DYNLRB2: variants seen among roughly 807,000 people sequenced by gnomAD.
DYNLRB2 encodes dynein light chain roadblock-type 2, also known as bithoraxoid-like protein.
DYNLRB2 carries 14 observed loss-of-function variants against 12.6 expected under a neutral mutation model. The observed-to-expected ratio is 1.11, with a 90% CI of 0.73 to 1.73. DYNLRB2 has a LOEUF of 1.73. Among genes scored for constraint, DYNLRB2 ranks in the 40% most tolerant of loss-of-function variants. DYNLRB2 has a pLI of 0.00. For missense variants in DYNLRB2, 142 were observed against 117.7 expected (o/e 1.21, Z -0.95); for synonymous variants, 53 against 37.0 (o/e 1.43, Z -1.57).
At chr16:80,544,618 T>A (rs1242695297) in intron 2 of DYNLRB2, 3 of 152,232 alleles carry the variant, frequency 2.0e-5, no homozygotes, top group Admixed American at 6.5e-5. Context: ...TTCATAGAGA[T>A]GGTGTGTTAG....
intron 2 of DYNLRB2, 52 bp from the exon 3 acceptor site, chr16:80,549,432 T>G (rs537173338): frequency 6.6e-7 from 1 of 1,503,804 alleles, no homozygotes; most frequent in East Asian, 2.4e-5. Context: ...ACACTGTACT[T>G]ATTACTTTTC....
chr16:80,543,198 C>T (rs1175050548), intron 1 of DYNLRB2, 78 bp from the exon 2 acceptor site: 4 of 1,411,198 alleles, frequency 2.8e-6, no homozygotes, highest in Non-Finnish European at 4.0e-6. Flanking sequence ...GAGTAGGTAT[C>T]TTGCTAAACA....
In DYNLRB2 at chr16:80,550,408, T is replaced by C. The variant is rs1459375284; in HGVS notation, c.248-107T>C. The C allele has an allele frequency of 3.9e-5, 51 of 1,322,516 alleles. No individual in the cohort carries two copies. In the Admixed American group the frequency reaches 8.6e-4, roughly 22 times the overall value. The allele number at this position is 1,322,516 out of a possible 1,614,324, so 81.9% of individuals were successfully genotyped here. On this transcript the variant is annotated intron_variant, in intron 3 of 3. Transcript: ENST00000305904. ...TGCAGATAGGGTGGGAAACCATCTG[T>C]CTGCACAAGGTCCCTGTGATGTTTT...
At position 80,541,041 on chromosome 16, in the gene DYNLRB2, C is replaced by T. The variant is rs1240634886; in HGVS notation, c.-36C>T. 2 of 1,604,148 alleles carry T rather than the reference C, an allele frequency of 1.2e-6. No homozygotes were observed. The highest frequency in any genetic ancestry group is 1.1e-5 in the South Asian group (1 of 89,796). On this transcript the variant is annotated 5_prime_UTR_variant, in exon 1 of 4. Transcript: ENST00000305904. ...GTTGTTGACATCCCGGGAGGCTGTG[C>T]CGCCGGCCTGAGCCCAGAGTTTCGC...
chr16:80,544,480 T>A (rs74800893), intron 2 of DYNLRB2, among the ~76,000 whole-genome samples: 2,914 of 152,288 alleles, frequency 0.019, 86 homozygotes, highest in African/African-American at 0.066. Context: ...TCCAGGTAAG[T>A]CACAAACTAT....
At position 80,545,276 on chromosome 16, in the gene DYNLRB2, C is replaced by T. The variant is rs540396740; in HGVS notation, c.79+1925C>T. On this transcript the variant is annotated intron_variant, in intron 2 of 3. Transcript: ENST00000305904. ...GGTATGAGGATACTCACTGAGGCAT[C>T]ATATATAATAGCAATAAATAAATAA... 3.9e-5 allele frequency among the ~76,000 whole-genome samples: 6 copies of T among 152,156 alleles called. No individual in the cohort carries two copies. In the South Asian group the frequency reaches 1.2e-3, roughly 32 times the overall value.
At chr16:80,549,705 A>G in intron 3 of DYNLRB2, 54 bp downstream of exon 3, 1 of 1,524,250 alleles carries the variant, frequency 6.6e-7, no homozygotes, top group South Asian at 1.3e-5. Flanking sequence ...TGCTAGATTA[A>G]AAGCCTTGTT....
chr16:80,541,159 C>G, intron 1 of DYNLRB2, 80 bp downstream of exon 1: 2 of 1,532,500 alleles, frequency 1.3e-6, no homozygotes, highest in African/African-American at 2.7e-5. Flanking sequence ...GCTTCTGGGG[C>G]CCACCCAGGC....
chr16:80,548,959 C>A (rs1383897732), intron 2 of DYNLRB2: 1 of 455,932 alleles, frequency 2.2e-6, no homozygotes, highest in Non-Finnish European at 4.4e-6. Flanking sequence ...AGACTAACAC[C>A]ATGTCACAGA....
chr16:80,540,808 CCT>C (rs1909273926), upstream of DYNLRB2: 1 of 707,960 alleles, frequency 1.4e-6, no homozygotes, highest in Non-Finnish European at 2.6e-6. Context: ...GACCCACTTC[CCT>C]CTTCCCTCCC....
intron 3 of DYNLRB2, 68 bp downstream of exon 3, chr16:80,549,719 A>G (rs1021185617): frequency 6.9e-7 from 1 of 1,458,430 alleles, no homozygotes. Context: ...CCTTGTTTCT[A>G]TGAATGGTAA....
intron 2 of DYNLRB2, chr16:80,549,221 A>C (rs1904680116): frequency 2.5e-6 from 1 of 396,554 alleles, no homozygotes; most frequent in Non-Finnish European, 4.7e-6. Flanking sequence ...TGACATTGTC[A>C]ACAAGGACAA....
intron 2 of DYNLRB2, among the ~76,000 whole-genome samples, chr16:80,546,987 G>C (rs1448045664): frequency 1.3e-5 from 2 of 152,126 alleles, no homozygotes; most frequent in African/African-American, 2.4e-5. Flanking sequence ...CTTCAGTTTA[G>C]GAATTTATCC....
chr16:80,542,763 G>C (rs889585185), intron 1 of DYNLRB2, among the ~76,000 whole-genome samples: 3 of 152,170 alleles, frequency 2.0e-5, no homozygotes, highest in Admixed American at 6.5e-5. Context: ...TGTTTTTATA[G>C]ACTATCCTTT....
chr16:80,546,598 T>A (rs1904482423), intron 2 of DYNLRB2, among the ~76,000 whole-genome samples: 1 of 152,212 alleles, frequency 6.6e-6, no homozygotes, highest in Non-Finnish European at 1.5e-5. Flanking sequence ...TAGCATTGGT[T>A]TCTCATTTAT....
At chr16:80,542,143 T>G (rs1407992625) in intron 1 of DYNLRB2, among the ~76,000 whole-genome samples, 2 of 152,312 alleles carry the variant, frequency 1.3e-5, no homozygotes, top group Non-Finnish European at 1.5e-5. Context: ...AATGATAGGC[T>G]CTCTCTTCAT....
upstream of DYNLRB2, chr16:80,540,776 G>T: frequency 7.1e-6 from 5 of 703,430 alleles, no homozygotes; most frequent in Non-Finnish European, 1.3e-5. Flanking sequence ...TGAATGAATG[G>T]ACAAACACAG....
At chr16:80,550,437 G>A in intron 3 of DYNLRB2, 78 bp from the exon 4 acceptor site, 1 of 1,566,560 alleles carries the variant, frequency 6.4e-7, no homozygotes, top group South Asian at 1.1e-5. Flanking sequence ...ATGTTTTGAA[G>A]AAAAAAGAAG....
rs751931828 is a variant in DYNLRB2 at position 80,549,576 on chromosome 16, C to T, written c.172C>T (p.Arg58Cys). Reference sequence around the variant, plus strand: ...GACAATGAAAGCCAAAAGCACAGTTCGTGATATTGATCCTCAGAACGACCT... The same window carrying T: ...GACAATGAAAGCCAAAAGCACAGTTTGTGATATTGATCCTCAGAACGACCT... ...HLTMKAKSTV[R>C]DIDPQNDLTF... The change falls in exon 3 of 4, where the codon CGT (arginine) becomes TGT (cysteine). Residue 58 changes from arginine (R) to cysteine (C), a missense_variant. Physicochemically the swap from Arg to Cys is radical, Grantham distance 180 (BLOSUM62 -3). Transcript: ENST00000305904. 35 of 1,612,530 alleles carry T rather than the reference C, an allele frequency of 2.2e-5. No individual in the cohort carries two copies. The highest frequency in any genetic ancestry group is 8.9e-5 in the East Asian group (4 of 44,850).
Sources: allele counts gnomAD v4.1 joint callset (sites outside exome capture counted in the v4.1 genomes callset), GRCh38; gene constraint gnomAD v4.1.1; transcripts MANE v1.5; gene names NCBI Gene and HGNC (gene_info 2026-07-23, HGNC 2026-07-21).